Variants in ERICH1 observed in about 807,000 individuals in gnomAD.
ERICH1 encodes glutamate rich 1, also known as glutamate-rich protein 1.
ERICH1 carries 56 observed loss-of-function variants against 39.6 expected under a neutral mutation model. The ratio of observed to expected loss-of-function variants is 1.41; its 90% CI spans 1.14 to 1.77. ERICH1 has a LOEUF of 1.77. Ranked by LOEUF, ERICH1 falls within the 40% of genes most tolerant of loss-of-function variation. ERICH1 has a pLI of 0.00. For missense variants in ERICH1, 826 were observed against 575.4 expected, an observed-to-expected ratio of 1.44 and a Z score of -4.45; for synonymous variants, 313 against 223.6, an observed-to-expected ratio of 1.40 and a Z score of -3.57.
At chr8:665,330 C>G (rs62486247) in intron 5 of ERICH1, among the ~76,000 whole-genome samples, 1 of 152,208 alleles carries the variant, frequency 6.6e-6, no homozygotes, top group Non-Finnish European at 1.5e-5. Flanking sequence ...CTGGCTCTAA[C>G]GTCTGTGCTC....
intron 3 of ERICH1, among the ~76,000 whole-genome samples, chr8:616,797 AAG>A (rs1231595255): frequency 1.1e-5 from 1 of 89,802 alleles, no homozygotes; most frequent in Non-Finnish European, 2.0e-5. Flanking sequence ...AGAGATGGGG[AAG>A]AGAGGGGGGA....
chr8:730,763 T>G (rs1185754622), intron 1 of ERICH1, among the ~76,000 whole-genome samples: 3 of 152,210 alleles, frequency 2.0e-5, no homozygotes, highest in Non-Finnish European at 4.4e-5. Context: ...CGGAGCCGGC[T>G]GCAGCCCCAC....
chr8:632,125 A>T (rs974465463), intron 3 of ERICH1, among the ~76,000 whole-genome samples: 4 of 152,156 alleles, frequency 2.6e-5, no homozygotes, highest in African/African-American at 9.7e-5. Flanking sequence ...TGCTCAGGAG[A>T]GGAAAACTTT....
At chr8:722,008 G>A (rs1001347528) in intron 1 of ERICH1, among the ~76,000 whole-genome samples, 15 of 151,990 alleles carry the variant, frequency 9.9e-5, no homozygotes, top group South Asian at 6.2e-4. Flanking sequence ...AGGAGCTCCC[G>A]GAGCCCCCGA....
In ERICH1 at chr8:645,627, G is replaced by A. The variant is rs1216214306; in HGVS notation, c.976+22971C>T. Among the ~76,000 whole-genome samples the A allele has an allele frequency of 1.5e-4, 10 of 67,966 alleles. 4 individuals are homozygous for A. The highest frequency in any genetic ancestry group is 3.0e-4 in the African/African-American group (8 of 26,922). The allele number at this position is 67,966 out of a possible 152,430, so 44.6% of individuals were successfully genotyped here. ...TGACCATGCTGTCAGGAAGGCCTCC[G>A]TGGTATCAGGGAGGCGACCGTGGAG... On this transcript the variant is annotated intron_variant, in intron 3 of 3. Coordinates refer to the ERICH1 transcript ENST00000522706.
intron 2 of ERICH1, among the ~76,000 whole-genome samples, chr8:702,932 C>G (rs546367608): frequency 2.6e-5 from 4 of 152,202 alleles, no homozygotes; most frequent in Non-Finnish European, 5.9e-5. Flanking sequence ...CCCCGCACGC[C>G]TGGGGTTAGC....
intron 1 of ERICH1, among the ~76,000 whole-genome samples, chr8:717,271 G>A (rs546138395): frequency 2.6e-5 from 4 of 152,230 alleles, no homozygotes; most frequent in South Asian, 2.1e-4. Context: ...GTCCCCATAC[G>A]CTATATTTTG....
At chr8:651,824 C>T (rs748156560) in intron 3 of ERICH1, among the ~76,000 whole-genome samples, 10 of 152,052 alleles carry the variant, frequency 6.6e-5, no homozygotes, top group Non-Finnish European at 1.0e-4. Context: ...CAACTCTACT[C>T]GGAAATCGGT....
At position 669,650 on chromosome 8, in the gene ERICH1, C is replaced by T. The variant is rs141057025; in HGVS notation, c.1064-858G>A. On this transcript the variant is annotated intron_variant, in intron 4 of 5. Transcript: ENST00000262109. Reference sequence around the variant, plus strand: ...TGAGACGCCTTCCCTGTCCAACACACGACTCAGGGCTACGAACAGCAGCAG... The same window carrying T: ...TGAGACGCCTTCCCTGTCCAACACATGACTCAGGGCTACGAACAGCAGCAG... Among the ~76,000 whole-genome samples the T allele has an allele frequency of 2.3e-3, 350 of 152,368 alleles. 11 individuals are homozygous for T. Among genetic ancestry groups the T allele is most frequent in the African/African-American group, 6.5e-3 (272 of 41,572 alleles).
Position 673,483 on chromosome 8 carries a change from C to T in ERICH1, c.869G>A (p.Gly290Asp), listed in dbSNP as rs867145103. ...ACCGTCCTCCTCCCTGGTGTCTTTACCGTCTTCCTCCCCGGCCCGTGTCAG... is the reference window on the plus strand; with the variant it reads ...ACCGTCCTCCTCCCTGGTGTCTTTATCGTCTTCCTCCCCGGCCCGTGTCAG... ...EDLTRAGEED[G>D]KDTREEDGAD... is the part of the protein sequence containing the mutation. The change falls in exon 4 of 6, where the codon GGT (glycine) becomes GAT (aspartate). Residue 290 changes from glycine to aspartate, a missense_variant. Transcript: ENST00000262109. 2 of 1,600,686 alleles carry T rather than the reference C, an allele frequency of 1.2e-6. No individual in the cohort carries two copies. Among genetic ancestry groups the T allele is most frequent in the Admixed American group, 1.7e-5 (1 of 58,768 alleles).
chr8:720,671 C>G lies in ERICH1; in HGVS notation c.23-4664G>C, dbSNP rs982754380. Among the ~76,000 whole-genome samples, 119 of 152,166 alleles carry G rather than the reference C, an allele frequency of 7.8e-4. 1 individual carries two copies. Among genetic ancestry groups the G allele is most frequent in the Non-Finnish European group, 5.9e-5 (4 of 68,034 alleles). The stretch of plus-strand genomic sequence containing the variant: ...GACAATGTCCCTTTTCAAATTCAAA[C>G]TTGAGCACGGTCGTCAAAATAAACT... On this transcript the variant is annotated intron_variant, in intron 1 of 5. Coordinates refer to ENST00000262109, the MANE Select transcript of ERICH1 (RefSeq NM_207332.3).
At chr8:622,988 C>A (rs1034969940) in intron 3 of ERICH1, among the ~76,000 whole-genome samples, 1 of 92,446 alleles carries the variant, frequency 1.1e-5, no homozygotes, top group Non-Finnish European at 2.1e-5. Flanking sequence ...ATAAATAAAA[C>A]ATCAATACTA....
chr8:711,030 G>A (rs531437385), intron 2 of ERICH1, among the ~76,000 whole-genome samples: 34 of 152,310 alleles, frequency 2.2e-4, no homozygotes, highest in African/African-American at 8.2e-4. Flanking sequence ...GGTGTTGTTA[G>A]TGTTCTGGAT....
chr8:715,832 G>A, intron 2 of ERICH1, 29 bp downstream of exon 2: 1 of 1,588,762 alleles, frequency 6.3e-7, no homozygotes, highest in Non-Finnish European at 8.5e-7. Flanking sequence ...CAGTTTCTGA[G>A]ACCCACCCAC....
At chr8:722,951 T>C (rs1038364115) in intron 1 of ERICH1, among the ~76,000 whole-genome samples, 2 of 152,222 alleles carry the variant, frequency 1.3e-5, no homozygotes, top group Non-Finnish European at 2.9e-5. Flanking sequence ...GAGAAAAACA[T>C]ACTGACTTGG....
Position 692,579 on chromosome 8 carries a change from A to C in ERICH1, c.203T>G (p.Leu68Arg), listed in dbSNP as rs757059943. The C allele has an allele frequency of 6.2e-7, 1 of 1,610,960 alleles. No homozygotes were observed. The highest frequency in any genetic ancestry group is 1.7e-5 in the Admixed American group (1 of 59,538). Residue 68 changes from leucine (L) to arginine (R), a missense_variant, in exon 3 of 6, where the codon CTC becomes CGC. Transcript: ENST00000262109. ...TGSETPTARR[L>R]YTASGPPEGY... ...CTCAGGAGGCCCGCTGGCAGTGTAG[A>C]GCCGTCGGGCAGTCGGGGTCTCAGA...
chr8:695,905 C>T (rs1423448101), intron 2 of ERICH1, among the ~76,000 whole-genome samples: 1 of 101,480 alleles, frequency 9.9e-6, no homozygotes, highest in Non-Finnish European at 1.9e-5. Context: ...CATCAGCCTG[C>T]ACTCGCTCCT....
intron 1 of ERICH1, among the ~76,000 whole-genome samples, chr8:720,348 G>A (rs192374551): frequency 1.3e-4 from 20 of 152,316 alleles, no homozygotes; most frequent in Non-Finnish European, 1.8e-4. Flanking sequence ...GATGAAGGAC[G>A]AGGACGCATG....
chr8:711,499 A>T lies in ERICH1; in HGVS notation c.169+4362T>A, dbSNP rs551546827. ...TTTGCATTTTACACTCAGGTGTAAGATCTTTTTTTTTTTTTTTGAGATGGA... is the reference window on the plus strand; with the variant it reads ...TTTGCATTTTACACTCAGGTGTAAGTTCTTTTTTTTTTTTTTTGAGATGGA... On this transcript the variant is annotated intron_variant, in intron 2 of 5. Transcript: ENST00000262109. Among the ~76,000 whole-genome samples, 242 of 149,994 alleles carry T rather than the reference A, an allele frequency of 1.6e-3. 6 individuals are homozygous for T. The South Asian group carries it at 0.051, about 31-fold the overall frequency.
Sources: gnomAD v4.1 joint callset for allele counts (sites outside exome capture counted in the v4.1 genomes callset) on GRCh38, gnomAD v4.1.1 for gene constraint, MANE v1.5 for transcripts, NCBI Gene and HGNC (gene_info 2026-07-23, HGNC 2026-07-21) for gene names.